KPRP: variants seen among roughly 807,000 people sequenced by gnomAD.
KPRP encodes the protein keratinocyte proline-rich protein.
For synonymous variants in KPRP, 282 were observed against 276.9 expected, an observed-to-expected ratio of 1.02 and a Z score of -0.18; for missense variants, 820 against 746.4, an observed-to-expected ratio of 1.10 and a Z score of -1.15.
At chr1:152,760,063 C>A in exon 1 of KPRP, 1 of 1,614,200 alleles carries the variant, frequency 6.2e-7, no homozygotes, top group Non-Finnish European at 8.5e-7. Flanking sequence ...CTGTCCAGCT[C>A]CTCAGCCTGT....
upstream of KPRP, among the ~76,000 whole-genome samples, chr1:152,758,559 A>G (rs560527652): frequency 1.1e-4 from 17 of 152,316 alleles, no homozygotes; most frequent in Admixed American, 9.2e-4. Context: ...AAACACGTGC[A>G]TCTGACACAA....
Position 152,760,475 on chromosome 1 carries a change from C to T in KPRP, c.887C>T (p.Thr296Ile), listed in dbSNP as rs764942184. The change falls in exon 1 of 1, where the codon ACC becomes ATC. Residue 296 changes from threonine (T) to isoleucine (I), a missense_variant. Transcript: ENST00000606109. ...TCTGAAGGTTTCCCTAACTACTGCA[C>T]CCCACCCCGCCGCTCTGAACCCATA... The T allele has an allele frequency of 1.2e-5, 20 of 1,613,122 alleles. No homozygotes were observed. The East Asian group carries it at 2.2e-4, about 18-fold the overall frequency.
exon 1 of KPRP, chr1:152,760,694 A>T (rs1455876930): frequency 3.1e-6 from 5 of 1,613,436 alleles, no homozygotes; most frequent in Non-Finnish European, 4.2e-6. Context: ...TCCTGCCCTG[A>T]GCTGAGGCCA....
At chr1:152,760,768 T>A (rs1651095835) in exon 1 of KPRP, 8 of 1,613,880 alleles carry the variant, frequency 5.0e-6, no homozygotes, top group Non-Finnish European at 6.8e-6. Context: ...GTGTCCAGAG[T>A]CACCACTGCA....
At chr1:152,760,073 T>C (rs374669847) in exon 1 of KPRP, 65 of 1,614,022 alleles carry the variant, frequency 4.0e-5, no homozygotes, top group Non-Finnish European at 5.3e-5. Context: ...CCTCAGCCTG[T>C]CCAGATGTAT....
At chr1:152,759,428 C>A, upstream of KPRP, 1 of 1,272,468 alleles carries the variant, frequency 7.9e-7, no homozygotes. Context: ...CTGGGTCGAA[C>A]TAAGTCAGGA....
exon 1 of KPRP, chr1:152,761,192 A>G (rs1215123516): frequency 6.2e-7 from 1 of 1,614,028 alleles, no homozygotes; most frequent in Non-Finnish European, 8.5e-7. Context: ...CCATCCAGTT[A>G]CAACCAGGGG....
upstream of KPRP, among the ~76,000 whole-genome samples, chr1:152,759,323 T>C (rs943723918): frequency 6.6e-6 from 1 of 152,196 alleles, no homozygotes; most frequent in African/African-American, 2.4e-5. Context: ...CCCTCTTTTC[T>C]GGGCATTGGT....
upstream of KPRP, among the ~76,000 whole-genome samples, chr1:152,759,398 G>T (rs2101561188): frequency 6.6e-6 from 1 of 152,282 alleles, no homozygotes; most frequent in East Asian, 1.9e-4. Flanking sequence ...CAGACCCAGG[G>T]CAGGTCTAAC....
exon 1 of KPRP, chr1:152,760,249 T>C (rs751606530): frequency 3.7e-6 from 6 of 1,613,952 alleles, no homozygotes; most frequent in Non-Finnish European, 5.1e-6. Flanking sequence ...TTTCCCTCAG[T>C]ATCGGTCCCG....
At chr1:152,759,476 AG>A, upstream of KPRP, 1 of 1,459,974 alleles carries the variant, frequency 6.8e-7, no homozygotes, top group Non-Finnish European at 9.1e-7. Context: ...AAGAAAAGCT[AG>A]GGAAGATGCA....
rs754364889 is a variant in KPRP, at chr1:152,759,770, A to G, written c.182A>G (p.Asp61Gly). 58 of 1,614,160 alleles carry G rather than the reference A, an allele frequency of 3.6e-5. No homozygotes were observed. In the African/African-American group the frequency reaches 5.7e-4, roughly 16 times the overall value. Residue 61 changes from aspartate to glycine, a missense_variant, in exon 1 of 1, where the codon GAC becomes GGC. Coordinates refer to ENST00000606109, the Ensembl canonical transcript of KPRP. ...CCAGTTCAAGTTTGCCAGGTGTCAGACCAGGCTCCATGCCAGTCTCAGACC... is the reference window on the plus strand; with the variant it reads ...CCAGTTCAAGTTTGCCAGGTGTCAGGCCAGGCTCCATGCCAGTCTCAGACC...
chr1:152,761,149 C>T (rs1173460174), exon 1 of KPRP: 5 of 1,614,176 alleles, frequency 3.1e-6, no homozygotes, highest in Non-Finnish European at 4.2e-6. Flanking sequence ...GTCTAGTCCA[C>T]ACCGCCTAGA....
At chr1:152,760,974 A>C (rs760818266) in exon 1 of KPRP, 4 of 1,612,014 alleles carry the variant, frequency 2.5e-6, no homozygotes, top group Admixed American at 3.3e-5. Flanking sequence ...AGCCACGTCC[A>C]TGCCTGCAGC....
chr1:152,760,431 C>T (rs1557827801), exon 1 of KPRP: 2 of 1,613,990 alleles, frequency 1.2e-6, no homozygotes, highest in East Asian at 2.2e-5. Flanking sequence ...GCTCCAGCAG[C>T]TACCTGCCAC....
exon 1 of KPRP, chr1:152,759,718 C>A: frequency 6.2e-7 from 1 of 1,614,136 alleles, no homozygotes; most frequent in Non-Finnish European, 8.5e-7. Flanking sequence ...TTGTGAGATG[C>A]AAATTGTGGA....
At chr1:152,759,775 G>A in exon 1 of KPRP, 1 of 1,614,150 alleles carries the variant, frequency 6.2e-7, no homozygotes, top group Non-Finnish European at 8.5e-7. Flanking sequence ...GTCAGACCAG[G>A]CTCCATGCCA....
At chr1:152,761,864 C>G (rs1651150478) in exon 1 of KPRP, 1 of 169,444 alleles carries the variant, frequency 5.9e-6, no homozygotes, top group African/African-American at 2.4e-5. Flanking sequence ...CCTTATCTGC[C>G]CAACTAGGTT....
chr1:152,760,496 C>T lies in KPRP; in HGVS notation c.908C>T (p.Pro303Leu), dbSNP rs1040586060. Residue 303 changes from proline (P) to leucine (L), a missense_variant, in exon 1 of 1, where the codon CCC (proline) becomes CTC (leucine). Physicochemically the swap from Pro to Leu is moderately conservative, Grantham distance 98. Transcript: ENST00000606109. ...TGCACCCCACCCCGCCGCTCTGAAC[C>T]CATATATAACAGTCGCTGTCCTCGC... 6.2e-7 allele frequency: 1 copy of T among 1,613,580 alleles called. No homozygotes were observed. The highest frequency in any genetic ancestry group is 1.1e-5 in the South Asian group (1 of 91,090).
Sources: allele counts gnomAD v4.1 joint callset (sites outside exome capture counted in the v4.1 genomes callset), GRCh38; gene constraint gnomAD v4.1.1; transcripts MANE v1.5; gene names NCBI Gene and HGNC (gene_info 2026-07-23, HGNC 2026-07-21).